Variants in UROS observed in about 807,000 individuals in gnomAD.
The protein encoded by UROS is uroporphyrinogen III synthase.
In UROS, 18 loss-of-function variants were observed where a neutral mutation model predicts 33.0. That is an observed-to-expected ratio of 0.55 (90% CI 0.38 to 0.81). UROS has a LOEUF of 0.81. UROS is among the 30% of genes least tolerant of loss of function. The probability of loss-of-function intolerance (pLI) is 0.00; values close to 1 mark genes in which losing one functional copy is unlikely to be tolerated. For synonymous variants in UROS, 114 were observed against 121.1 expected (o/e 0.94, Z 0.38); for missense variants, 293 against 314.9 (o/e 0.93, Z 0.53).
At position 125,807,418 on chromosome 10, in the gene UROS, C is replaced by A; in HGVS notation, c.389G>T (p.Cys130Phe). ...GNAEKLAEYICSRESSALPLL... is the reference protein window; with the variant it reads ...GNAEKLAEYIFSRESSALPLL... ...AGTGATGTTTTTCTACTTACTGGAA[C>A]AAATATATTCTGCAAGCTTTTCTGC... The change falls in exon 6 of 10, where the codon TGT becomes TTT. Residue 130 changes from cysteine to phenylalanine, a missense_variant. Physicochemically the swap from Cys to Phe is radical, Grantham distance 205 (BLOSUM62 -2). Transcript: ENST00000368797. 3 of 1,613,916 alleles carry A rather than the reference C, an allele frequency of 1.9e-6. No individual in the cohort carries two copies. The highest frequency in any genetic ancestry group is 1.1e-5 in the South Asian group (1 of 91,072).
chr10:125,787,361 TC>T (rs1210403867), downstream of UROS, among the ~76,000 whole-genome samples: 5 of 152,110 alleles, frequency 3.3e-5, no homozygotes, highest in African/African-American at 4.8e-5. Flanking sequence ...TCCTCCTCCT[TC>T]CTCACTTCCG....
Position 125,798,116 on chromosome 10 carries a change from G to C in UROS, c.424C>G (p.Pro142Ala), listed in dbSNP as rs781589110. ...RESSALPLLFPCGNLKREILP... is the reference protein window; with the variant it reads ...RESSALPLLFACGNLKREILP... ...ATTTCTCTTTTGAGGTTTCCACAGG[G>C]AAATAGAAGAGGCAGTGCTGAGGAC... Residue 142 changes from proline (P) to alanine (A), a missense_variant, in exon 7 of 10, where the codon CCC (proline) becomes GCC (alanine). Physicochemically the swap from Pro to Ala is conservative, Grantham distance 27. Coordinates refer to ENST00000368797, the MANE Select transcript of UROS (RefSeq NM_000375.3). 5 of 1,614,004 alleles carry C rather than the reference G, an allele frequency of 3.1e-6. No homozygotes were observed. The highest frequency in any genetic ancestry group is 1.1e-5 in the South Asian group (1 of 91,074).
rs1851514003 is a variant in UROS at position 125,798,046 on chromosome 10, G to A, written c.475+19C>T. The A allele has an allele frequency of 1.2e-6, 2 of 1,613,552 alleles. No homozygotes were observed. Among genetic ancestry groups the A allele is most frequent in the African/African-American group, 1.3e-5 (1 of 75,060 alleles). ...GGATCCCAAAGTGGTAAGGGATGCA[G>A]TCAAAGCATTCTACTCGCCTTTGTC... On this transcript the variant is annotated intron_variant, in intron 7 of 9. Coordinates refer to ENST00000368797, the MANE Select transcript of UROS (RefSeq NM_000375.3).
In UROS at chr10:125,797,586, A is replaced by T. The variant is rs146787667; in HGVS notation, c.475+479T>A. On this transcript the variant is annotated intron_variant, in intron 7 of 9. Coordinates refer to ENST00000368797, the MANE Select transcript of UROS (RefSeq NM_000375.3). ...TGCATCGAGGACGGCAGCATGCTTC[A>T]GAGGCAAGAACTGGTTTCTAGGTGC... Among the ~76,000 whole-genome samples the T allele has an allele frequency of 7.0e-4, 107 of 152,354 alleles. No homozygotes were observed. In the South Asian group the frequency reaches 0.01, roughly 15 times the overall value.
chr10:125,816,860 T>C (rs1295109857), intron 1 of UROS, among the ~76,000 whole-genome samples: 1 of 152,214 alleles, frequency 6.6e-6, no homozygotes, highest in Non-Finnish European at 1.5e-5. Context: ...GAAATTGGTA[T>C]CTTATGTTTT....
intron 6 of UROS, among the ~76,000 whole-genome samples, chr10:125,805,774 C>T (rs1852276269): frequency 6.6e-6 from 1 of 152,166 alleles, no homozygotes; most frequent in South Asian, 2.1e-4. Context: ...TGACATCATA[C>T]AGGCCACGTG....
intron 6 of UROS, among the ~76,000 whole-genome samples, chr10:125,805,792 A>G (rs1852278690): frequency 6.6e-6 from 1 of 152,176 alleles, no homozygotes; most frequent in Non-Finnish European, 1.5e-5. Flanking sequence ...GTGTCTATGT[A>G]CCCGAGACAC....
chr10:125,786,734 T>C (rs968647595), downstream of UROS, among the ~76,000 whole-genome samples: 2 of 152,206 alleles, frequency 1.3e-5, no homozygotes, highest in Non-Finnish European at 2.9e-5. Flanking sequence ...TTATTGCCCT[T>C]AACAGAAACT....
rs550629770 is a variant in UROS at position 125,816,316 on chromosome 10, A to C, written c.64-56T>G. 16 of 1,602,174 alleles carry C rather than the reference A, an allele frequency of 1.0e-5. No individual in the cohort carries two copies. The African/African-American group carries it at 1.7e-4, about 17-fold the overall frequency. ...CTAGGGCTGTTTTTAAAATAAGGGA[A>C]CATTAACAATTTATTCTGCGTCAGT... On this transcript the variant is annotated intron_variant, in intron 2 of 9. Transcript: ENST00000368797.
rs369493043 is a variant in UROS, at chr10:125,801,913, T to C, written c.395-3768A>G. ...GAACAACGACTCAGAGGTTCACTTC[T>C]GTCTCCTTACAAACAAACTGTGGGT... On this transcript the variant is annotated intron_variant, in intron 6 of 9. Transcript: ENST00000368797. The C allele has an allele frequency of 7.0e-4, 510 of 731,406 alleles. 1 individual carries two copies. The African/African-American group carries it at 9.2e-3, about 13-fold the overall frequency. The allele number at this position is 731,406 out of a possible 1,614,324, so 45.3% of individuals were successfully genotyped here. A position where few individuals can be genotyped will look rare whatever the true frequency, so the allele number is the denominator to read the frequency against.
intron 6 of UROS, among the ~76,000 whole-genome samples, chr10:125,805,654 A>AATTTAC (rs1472078363): frequency 2.6e-5 from 4 of 152,246 alleles, no homozygotes; most frequent in African/African-American, 9.6e-5. Context: ...AATTTCAATT[A>AATTTAC]ATTTACATTT....
intron 1 of UROS, among the ~76,000 whole-genome samples, chr10:125,817,937 C>A (rs977117403): frequency 6.6e-6 from 1 of 152,132 alleles, no homozygotes; most frequent in African/African-American, 2.4e-5. Context: ...TATGCAAACA[C>A]CCCAAAGAAA....
At chr10:125,799,008 T>A (rs1001788358) in intron 6 of UROS, among the ~76,000 whole-genome samples, 1 of 152,202 alleles carries the variant, frequency 6.6e-6, no homozygotes, top group African/African-American at 2.4e-5. Context: ...TGGGCGTTAT[T>A]CATACACATT....
rs370488653 is a variant in UROS at position 125,816,603 on chromosome 10, CAAG to C, written c.-26-81_-26-79del. 111 of 1,410,852 alleles carry C rather than the reference CAAG, an allele frequency of 7.9e-5. 1 individual carries two copies. The East Asian group carries it at 9.6e-4, about 12-fold the overall frequency. 87.4% of individuals were successfully genotyped at this position (1,410,852 alleles called of 1,614,324 possible). On this transcript the variant is annotated intron_variant, in intron 1 of 9. Transcript: ENST00000368797. ...AGCAATTTCCGATGGGGACGGTACA[CAAG>C]AAGAAGGCAATCAAATGCTTGTGGA... is the stretch of plus-strand genomic sequence containing the variant.
intron 4 of UROS, among the ~76,000 whole-genome samples, chr10:125,814,508 C>T (rs573358316): frequency 4.2e-4 from 64 of 152,330 alleles, no homozygotes; most frequent in African/African-American, 1.5e-3. Flanking sequence ...TACACAGGGT[C>T]TGACATACAA....
chr10:125,819,152 T>G (rs1218644395), intron 1 of UROS, among the ~76,000 whole-genome samples: 2 of 152,144 alleles, frequency 1.3e-5, no homozygotes, highest in Non-Finnish European at 2.9e-5. Context: ...GCCCAGCTAA[T>G]TTTTGTATTT....
At chr10:125,806,407 A>T (rs1852340291) in intron 6 of UROS, among the ~76,000 whole-genome samples, 1 of 152,190 alleles carries the variant, frequency 6.6e-6, no homozygotes, top group Non-Finnish European at 1.5e-5. Flanking sequence ...GGAAACTCTC[A>T]GCTGTCAGCA....
chr10:125,810,293 T>G (rs944397732), intron 5 of UROS, among the ~76,000 whole-genome samples: 5 of 152,198 alleles, frequency 3.3e-5, no homozygotes, highest in Admixed American at 3.3e-4. Context: ...CAGTGGTAGG[T>G]GCTCTCTTTT....
rs1054051164 is a variant in UROS, at chr10:125,789,369, C to T, written c.661-364G>A. 8 of 1,198,276 alleles carry T rather than the reference C, an allele frequency of 6.7e-6. No homozygotes were observed. The East Asian group carries it at 4.1e-4, about 61-fold the overall frequency. 74.2% of individuals were successfully genotyped at this position (1,198,276 alleles called of 1,614,324 possible). ...GGGTGTTGGGGGCCCTGGGTCTGAT[C>T]AAGGGGAGGATGGTGTGGCAGGGGC... On this transcript the variant is annotated intron_variant, in intron 9 of 9. Coordinates refer to ENST00000368797, the MANE Select transcript of UROS (RefSeq NM_000375.3).
Sources: gnomAD v4.1 joint callset for allele counts (sites outside exome capture counted in the v4.1 genomes callset) on GRCh38, gnomAD v4.1.1 for gene constraint, MANE v1.5 for transcripts, NCBI Gene and HGNC (gene_info 2026-07-23, HGNC 2026-07-21) for gene names.